LRP1B: variants seen among roughly 807,000 people sequenced by gnomAD.
LRP1B encodes the protein LDL receptor related protein 1B.
In LRP1B, 217 loss-of-function variants were observed where a neutral mutation model predicts 556.6. That is an observed-to-expected ratio of 0.39 (90% CI 0.35 to 0.44). The LOEUF is 0.44. Among genes scored for constraint, LRP1B ranks in the 20% least tolerant of loss-of-function variants. The pLI, the probability that LRP1B is intolerant of heterozygous loss-of-function variation, is 1.00. For synonymous variants in LRP1B, 2,047 were observed against 1,865.8 expected, an observed-to-expected ratio of 1.10 and a Z score of -2.50; for missense variants, 5,053 against 5,620.8, an observed-to-expected ratio of 0.90 and a Z score of 3.23.
chr2:141,073,912 G>T (rs1699712633), intron 7 of LRP1B, among the ~76,000 whole-genome samples: 2 of 151,768 alleles, frequency 1.3e-5, no homozygotes, highest in Admixed American at 6.6e-5. Context: ...CTGTTACTTG[G>T]CAATTTACAC....
At chr2:141,761,734 A>T (rs1217558018) in intron 2 of LRP1B, among the ~76,000 whole-genome samples, 1 of 152,150 alleles carries the variant, frequency 6.6e-6, no homozygotes, top group African/African-American at 2.4e-5. Flanking sequence ...TTTTTGTCAT[A>T]AAAAAATGCC....
In LRP1B at chr2:141,304,200, C is replaced by T. The variant is rs1204274289; in HGVS notation, c.344-49559G>A. ...GATGAATACTTCTCAAGTATTTTCT[C>T]CCATTGAACAGACTGTCATTTTACT... On this transcript the variant is annotated intron_variant, in intron 3 of 90. Transcript: ENST00000389484. 2.0e-5 allele frequency among the ~76,000 whole-genome samples: 3 copies of T among 152,040 alleles called. No homozygotes were observed. In the East Asian group the frequency reaches 5.8e-4, roughly 29 times the overall value.
intron 1 of LRP1B, among the ~76,000 whole-genome samples, chr2:141,975,263 A>G (rs1343942393): frequency 6.6e-6 from 1 of 152,084 alleles, no homozygotes; most frequent in Non-Finnish European, 1.5e-5. Flanking sequence ...TATACTGTTA[A>G]AATGTAATTT....
intron 1 of LRP1B, among the ~76,000 whole-genome samples, chr2:142,007,528 A>G (rs758585275): frequency 6.6e-6 from 1 of 152,216 alleles, no homozygotes; most frequent in South Asian, 2.1e-4. Flanking sequence ...TTCTCAGTGT[A>G]CATTACCTAT....
chr2:140,483,638 ATATTTT>A (rs1425164448), intron 59 of LRP1B, among the ~76,000 whole-genome samples: 65 of 74,096 alleles, frequency 8.8e-4, no homozygotes, highest in East Asian at 3.4e-3. Context: ...ATATATATAT[ATATTTT>A]TTTTTTTTTT....
chr2:141,520,680 A>C (rs191177276), intron 2 of LRP1B, among the ~76,000 whole-genome samples: 1 of 152,092 alleles, frequency 6.6e-6, no homozygotes, highest in Admixed American at 6.6e-5. Context: ...TGTTTTCAAA[A>C]GCTTTTTGCT....
At chr2:142,043,756 T>C (rs1284113575) in intron 1 of LRP1B, among the ~76,000 whole-genome samples, 1 of 151,736 alleles carries the variant, frequency 6.6e-6, no homozygotes, top group Non-Finnish European at 1.5e-5. Flanking sequence ...ATTAGCTTTT[T>C]CATTCTTTCA....
chr2:140,237,381 A>G (rs776556640), intron 89 of LRP1B, among the ~76,000 whole-genome samples: 8 of 150,990 alleles, frequency 5.3e-5, no homozygotes, highest in African/African-American at 1.9e-4. Flanking sequence ...TTCTTTATTC[A>G]TTGTTGATGC....
At chr2:140,839,551 A>G (rs987935643) in intron 31 of LRP1B, among the ~76,000 whole-genome samples, 3 of 152,154 alleles carry the variant, frequency 2.0e-5, no homozygotes, top group South Asian at 2.1e-4. Context: ...CCTGCCCTCA[A>G]ACGTCACACT....
intron 1 of LRP1B, among the ~76,000 whole-genome samples, chr2:142,073,671 C>T (rs953617188): frequency 4.0e-5 from 6 of 151,882 alleles, no homozygotes; most frequent in African/African-American, 1.5e-4. Flanking sequence ...GAAATGTGTC[C>T]CCACCCAAAT....
intron 7 of LRP1B, among the ~76,000 whole-genome samples, chr2:141,104,241 T>C (rs1052661965): frequency 3.9e-5 from 6 of 152,174 alleles, no homozygotes; most frequent in Non-Finnish European, 8.8e-5. Flanking sequence ...ATGGCATATG[T>C]ATCCCCTGTA....
chr2:141,253,951 A>C (rs1202404459), intron 4 of LRP1B, among the ~76,000 whole-genome samples: 6 of 152,122 alleles, frequency 3.9e-5, no homozygotes, highest in Non-Finnish European at 7.4e-5. Flanking sequence ...AATTGGAATC[A>C]AGTGAATGGA....
intron 3 of LRP1B, among the ~76,000 whole-genome samples, chr2:141,307,527 G>A (rs747245309): frequency 5.9e-5 from 9 of 152,074 alleles, no homozygotes; most frequent in Admixed American, 2.6e-4. Context: ...CTTATAGGCA[G>A]CATAAAGTTG....
chr2:141,031,593 C>A (rs1017336599), intron 11 of LRP1B, among the ~76,000 whole-genome samples: 2 of 151,888 alleles, frequency 1.3e-5, no homozygotes, highest in African/African-American at 4.8e-5. Context: ...AAAAATAGTT[C>A]TGAAGCTATT....
chr2:141,419,777 T>A (rs1680070177), intron 3 of LRP1B, among the ~76,000 whole-genome samples: 1 of 152,148 alleles, frequency 6.6e-6, no homozygotes, highest in Admixed American at 6.5e-5. Flanking sequence ...TCTTCATAAT[T>A]TTCTTACTAC....
At chr2:140,487,080 G>T (rs545158251) in intron 58 of LRP1B, among the ~76,000 whole-genome samples, 1 of 151,922 alleles carries the variant, frequency 6.6e-6, no homozygotes, top group South Asian at 2.1e-4. Context: ...GTACCAAGTT[G>T]CTCATATCTA....
intron 27 of LRP1B, among the ~76,000 whole-genome samples, chr2:140,860,839 T>A (rs1304362531): frequency 1.3e-5 from 2 of 151,836 alleles, no homozygotes; most frequent in Non-Finnish European, 2.9e-5. Flanking sequence ...AAAAATGACA[T>A]GGTAGATGGG....
chr2:140,749,235 C>T (rs79863130), intron 35 of LRP1B, among the ~76,000 whole-genome samples: 1 of 152,022 alleles, frequency 6.6e-6, no homozygotes, highest in Non-Finnish European at 1.5e-5. Flanking sequence ...TGTGAAGGTC[C>T]AGGACATTAG....
intron 2 of LRP1B, among the ~76,000 whole-genome samples, chr2:141,677,499 T>TA (rs922632713): frequency 2.0e-4 from 31 of 151,384 alleles, no homozygotes; most frequent in Non-Finnish European, 2.8e-4. Flanking sequence ...TATATATATA[T>TA]TTTTTTTTGA....
Sources: allele counts gnomAD v4.1 joint callset (sites outside exome capture counted in the v4.1 genomes callset), GRCh38; gene constraint gnomAD v4.1.1; transcripts MANE v1.5; gene names NCBI Gene and HGNC (gene_info 2026-07-23, HGNC 2026-07-21).